Variants in USP34 observed in about 807,000 individuals in gnomAD.
USP34 encodes ubiquitin specific peptidase 34.
A neutral mutation model predicts 460.3 loss-of-function variants in USP34; 70 were observed. That is an observed-to-expected ratio of 0.15 (90% CI 0.13 to 0.19). The LOEUF is 0.19. Among genes scored for constraint, USP34 ranks in the 10% least tolerant of loss-of-function variants. The pLI is 1.00. For missense variants in USP34, 3,985 were observed against 4,236.2 expected, an observed-to-expected ratio of 0.94 and a Z score of 1.65; for synonymous variants, 1,647 against 1,405.3, an observed-to-expected ratio of 1.17 and a Z score of -3.85.
At chr2:61,357,241 T>C (rs1237538791) in intron 10 of USP34, among the ~76,000 whole-genome samples, 1 of 152,132 alleles carries the variant, frequency 6.6e-6, no homozygotes, top group Admixed American at 6.6e-5. Flanking sequence ...CTAAAATGTT[T>C]CTCTACCCAC....
intron 1 of USP34, among the ~76,000 whole-genome samples, chr2:61,431,555 A>G (rs956560775): frequency 6.6e-6 from 1 of 152,152 alleles, no homozygotes; most frequent in African/African-American, 2.4e-5. Context: ...ATAATCTGAC[A>G]TTTTAGCTAG....
intron 48 of USP34, 137 bp from the exon 49 acceptor site, chr2:61,248,820 T>C (rs528301964): frequency 6.8e-6 from 5 of 734,592 alleles, no homozygotes; most frequent in African/African-American, 3.6e-5. Flanking sequence ...CCACAGGGGA[T>C]ACCTTCTGAG....
chr2:61,365,330 T>C (rs1453003496), intron 10 of USP34, among the ~76,000 whole-genome samples: 1 of 151,792 alleles, frequency 6.6e-6, no homozygotes, highest in East Asian at 1.9e-4. Context: ...TGTGTGTGTA[T>C]ATATGTATGT....
Position 61,458,542 on chromosome 2 carries a change from C to T in USP34, c.43+12108G>A, listed in dbSNP as rs969662827. Among the ~76,000 whole-genome samples the T allele has an allele frequency of 4.1e-5, 4 of 97,910 alleles. No individual in the cohort carries two copies. The Admixed American group carries it at 5.9e-4, about 15-fold the overall frequency. The allele number at this position is 97,910 out of a possible 152,430, so 64.2% of individuals were successfully genotyped here. ...CACCATTGCACTCCAGCCTGGGCAA[C>T]AAGAGTGAAACTGTCTCAGAAAAAA... On this transcript the variant is annotated intron_variant, in intron 1 of 79. Transcript: ENST00000398571.
At chr2:61,366,417 A>T (rs1185979312) in intron 10 of USP34, among the ~76,000 whole-genome samples, 5 of 152,166 alleles carry the variant, frequency 3.3e-5, no homozygotes, top group Non-Finnish European at 7.3e-5. Flanking sequence ...GTTTTCTATA[A>T]AGTATGATTC....
intron 57 of USP34, among the ~76,000 whole-genome samples, chr2:61,232,868 C>T (rs1316049171): frequency 1.7e-5 from 2 of 120,338 alleles, no homozygotes; most frequent in African/African-American, 3.1e-5. Context: ...ATTCCCCCCC[C>T]CCTTTTTTTT....
intron 75 of USP34, chr2:61,200,722 A>C (rs992126084): frequency 2.6e-5 from 4 of 152,286 alleles, no homozygotes; most frequent in Non-Finnish European, 5.9e-5. Flanking sequence ...TCTTGTTGCC[A>C]AATATAATTT....
intron 58 of USP34, among the ~76,000 whole-genome samples, chr2:61,231,496 T>G (rs1351185915): frequency 2.0e-5 from 3 of 152,196 alleles, no homozygotes; most frequent in Non-Finnish European, 2.9e-5. Context: ...GAGGACTGCC[T>G]GATCCCAGGA....
At chr2:61,221,682 C>T (rs993820061) in intron 65 of USP34, 76 bp from the exon 66 acceptor site, 1 of 1,284,890 alleles carries the variant, frequency 7.8e-7, no homozygotes, top group African/African-American at 1.5e-5. Flanking sequence ...AACATATATT[C>T]TACTACACAC....
At chr2:61,420,715 A>ATT (rs1397721012) in intron 2 of USP34, 31 bp downstream of exon 2, 1 of 1,532,302 alleles carries the variant, frequency 6.5e-7, no homozygotes. Context: ...ACTCACAAAA[A>ATT]TTAGTCTTCG....
intron 62 of USP34, 117 bp downstream of exon 62, chr2:61,226,950 C>A: frequency 8.6e-7 from 1 of 1,165,102 alleles, no homozygotes. Flanking sequence ...TAGTGAATAA[C>A]AATTACATAA....
At chr2:61,340,530 G>A (rs922467776) in intron 16 of USP34, among the ~76,000 whole-genome samples, 1 of 152,146 alleles carries the variant, frequency 6.6e-6, no homozygotes, top group African/African-American at 2.4e-5. Context: ...CAGTGTATGA[G>A]AGCATCAGTC....
At chr2:61,248,027 A>G (rs1688466404) in intron 49 of USP34, among the ~76,000 whole-genome samples, 1 of 152,036 alleles carries the variant, frequency 6.6e-6, no homozygotes, top group South Asian at 2.1e-4. Context: ...TCTCTACTAA[A>G]AATACAAAAA....
rs1690839244 is a variant in USP34 at position 61,319,154 on chromosome 2, CTG to C, written c.3168+17_3168+18del. ...GGGAACATGGAAAAATAATAACAAA[CTG>C]AGAGAAATGTAATTACCTTCTCCAG... On this transcript the variant is annotated intron_variant, in intron 22 of 79. Transcript: ENST00000398571. The C allele has an allele frequency of 6.5e-7, 1 of 1,530,480 alleles. No individual in the cohort carries two copies. The highest frequency in any genetic ancestry group is 1.4e-5 in the African/African-American group (1 of 69,784). The allele number at this position is 1,530,480 out of a possible 1,614,324, so 94.8% of individuals were successfully genotyped here. A position where few individuals can be genotyped will look rare whatever the true frequency, so the allele number is the denominator to read the frequency against.
chr2:61,340,672 G>C (rs1371956831), intron 16 of USP34, among the ~76,000 whole-genome samples: 1 of 152,040 alleles, frequency 6.6e-6, no homozygotes, highest in Non-Finnish European at 1.5e-5. Context: ...TTTCCCTAAT[G>C]ACTAATGATG....
intron 53 of USP34, among the ~76,000 whole-genome samples, chr2:61,240,279 T>G (rs927930938): frequency 1.3e-5 from 2 of 152,126 alleles, no homozygotes; most frequent in Non-Finnish European, 1.5e-5. Context: ...ACATTTGTAT[T>G]CCTTAATATG....
At chr2:61,198,260 T>C (rs1441992092) in intron 75 of USP34, among the ~76,000 whole-genome samples, 3 of 152,224 alleles carry the variant, frequency 2.0e-5, no homozygotes, top group African/African-American at 7.2e-5. Context: ...TTTATAAGAA[T>C]GTTTATATTC....
At chr2:61,220,485 A>G in intron 66 of USP34, 28 bp from the exon 67 acceptor site, 10 of 1,567,238 alleles carry the variant, frequency 6.4e-6, no homozygotes, top group Non-Finnish European at 8.6e-6. Flanking sequence ...AGAACAGAAT[A>G]TAAGGCCAAC....
chr2:61,331,566 A>G (rs1333656233), intron 19 of USP34, among the ~76,000 whole-genome samples, 195 bp from the exon 20 acceptor site: 2 of 152,068 alleles, frequency 1.3e-5, no homozygotes, highest in South Asian at 2.1e-4. Context: ...ATGAATTTAA[A>G]GTACCTTTGT....
Sources: allele counts gnomAD v4.1 joint callset (sites outside exome capture counted in the v4.1 genomes callset), GRCh38; gene constraint gnomAD v4.1.1; transcripts MANE v1.5; gene names NCBI Gene and HGNC (gene_info 2026-07-23, HGNC 2026-07-21).